ABLIM3: variants seen among roughly 807,000 people sequenced by gnomAD.
The protein encoded by ABLIM3 is actin binding LIM protein family member 3.
In ABLIM3, 61 loss-of-function variants were observed where a neutral mutation model predicts 109.5. The observed-to-expected ratio is 0.56, with a 90% confidence interval of 0.45 to 0.69. The LOEUF is 0.69. Among genes scored for constraint, ABLIM3 ranks in the 30% least tolerant of loss-of-function variants. The pLI is 0.00. For missense variants in ABLIM3, 796 were observed against 889.5 expected (o/e 0.89, Z 1.34); for synonymous variants, 300 against 324.8 (o/e 0.92, Z 0.82).
At chr5:149,215,183 C>T (rs1319244945) in intron 7 of ABLIM3, among the ~76,000 whole-genome samples, 1 of 152,134 alleles carries the variant, frequency 6.6e-6, no homozygotes, top group Non-Finnish European at 1.5e-5. Flanking sequence ...CACTGGAAAA[C>T]AGGTCTATAA....
chr5:149,154,373 TC>T (rs545554424), intron 2 of ABLIM3, among the ~76,000 whole-genome samples: 144 of 152,208 alleles, frequency 9.5e-4, no homozygotes, highest in African/African-American at 3.2e-3. Flanking sequence ...TGATTATAAA[TC>T]CCCCTTTCAA....
intron 2 of ABLIM3, among the ~76,000 whole-genome samples, chr5:149,153,922 C>T (rs1000504339): frequency 6.6e-6 from 1 of 152,226 alleles, no homozygotes; most frequent in African/African-American, 2.4e-5. Context: ...TACAGCCCCA[C>T]CTTCTCTCGC....
intron 6 of ABLIM3, among the ~76,000 whole-genome samples, chr5:149,209,606 T>G (rs575649941): frequency 6.6e-6 from 1 of 152,246 alleles, no homozygotes; most frequent in South Asian, 2.1e-4. Context: ...TTGGCATTTA[T>G]ACTCAAATCT....
At chr5:149,253,388 GACA>G (rs1305734443) in intron 23 of ABLIM3, among the ~76,000 whole-genome samples, 3 of 152,168 alleles carry the variant, frequency 2.0e-5, no homozygotes, top group Non-Finnish European at 4.4e-5. Context: ...TTAACCAAGC[GACA>G]ACCTCACTGC....
intron 18 of ABLIM3, among the ~76,000 whole-genome samples, chr5:149,248,557 G>C (rs1242444898): frequency 6.6e-6 from 1 of 151,924 alleles, no homozygotes; most frequent in Non-Finnish European, 1.5e-5. Context: ...TGGGCATGGT[G>C]GTGGGCACCT....
intron 8 of ABLIM3, among the ~76,000 whole-genome samples, chr5:149,222,976 A>G (rs528960398): frequency 1.3e-5 from 2 of 152,260 alleles, no homozygotes; most frequent in South Asian, 4.2e-4. Context: ...AAAACTTTAA[A>G]TCTTATGTTT....
chr5:149,240,212 C>A (rs1269910049), intron 13 of ABLIM3, among the ~76,000 whole-genome samples: 1 of 152,192 alleles, frequency 6.6e-6, no homozygotes, highest in Non-Finnish European at 1.5e-5. Flanking sequence ...AGGGCAGAAC[C>A]AAGAGACCAG....
intron 8 of ABLIM3, chr5:149,217,296 T>G: frequency 2.5e-5 from 13 of 530,166 alleles, no homozygotes; most frequent in East Asian, 6.8e-5. Context: ...GCTGGACTGC[T>G]TCCCTGGCAG....
chr5:149,256,540 T>C (rs1315369611), intron 23 of ABLIM3, among the ~76,000 whole-genome samples: 1 of 152,204 alleles, frequency 6.6e-6, no homozygotes, highest in Non-Finnish European at 1.5e-5. Flanking sequence ...TGAAAAGACA[T>C]TTTCAAGACA....
chr5:149,209,646 A>G (rs1165972120), intron 6 of ABLIM3, among the ~76,000 whole-genome samples: 1 of 152,180 alleles, frequency 6.6e-6, no homozygotes, highest in Non-Finnish European at 1.5e-5. Flanking sequence ...CCTTCTGACA[A>G]ATGACTTTTT....
Position 149,259,692 on chromosome 5 carries a change from TC to T in ABLIM3, c.*1290del. 1 of 1,179,492 alleles carries T rather than the reference TC, an allele frequency of 8.5e-7. No individual in the cohort carries two copies. Among genetic ancestry groups the T allele is most frequent in the Non-Finnish European group, 1.2e-6 (1 of 826,636 alleles). 73.1% of individuals were successfully genotyped at this position (1,179,492 alleles called of 1,614,324 possible). A position where few individuals can be genotyped will look rare whatever the true frequency, so the allele number is the denominator to read the frequency against. ...AGAAAGCTTAACCTCTCTTCTCCTC[TC>T]CAAACCTTTCACCTTGAATGGGTAA... On this transcript the variant is annotated 3_prime_UTR_variant, in exon 24 of 24. Transcript: ENST00000309868.
chr5:149,230,815 C>T (rs1383381456), intron 9 of ABLIM3, 108 bp downstream of exon 9: 1 of 1,264,090 alleles, frequency 7.9e-7, no homozygotes, highest in Non-Finnish European at 1.1e-6. Flanking sequence ...AGTGTGCACA[C>T]TCCCAAATGT....
chr5:149,146,741 G>C (rs2127427930), intron 2 of ABLIM3, among the ~76,000 whole-genome samples: 1 of 152,288 alleles, frequency 6.6e-6, no homozygotes, highest in East Asian at 1.9e-4. Context: ...TTTGAAGTCA[G>C]GTAATGTGAT....
intron 1 of ABLIM3, 111 bp from the exon 2 acceptor site, chr5:149,141,897 TC>T (rs1365994281): frequency 1.4e-5 from 10 of 740,578 alleles, no homozygotes; most frequent in Non-Finnish European, 2.3e-6. Context: ...CGCCTATTAG[TC>T]CACGCGCCTT....
At chr5:149,144,369 A>G (rs1752738177) in intron 2 of ABLIM3, among the ~76,000 whole-genome samples, 1 of 152,182 alleles carries the variant, frequency 6.6e-6, no homozygotes, top group Non-Finnish European at 1.5e-5. Context: ...CAGAGAGTAG[A>G]CATCAGACCT....
chr5:149,199,256 A>C, intron 4 of ABLIM3: 2 of 363,556 alleles, frequency 5.5e-6, no homozygotes, highest in Non-Finnish European at 5.5e-6. Flanking sequence ...GCATGATTAG[A>C]GTATATACGT....
chr5:149,192,805 A>G (rs1239132747), intron 3 of ABLIM3, among the ~76,000 whole-genome samples: 2 of 145,204 alleles, frequency 1.4e-5, no homozygotes, highest in Non-Finnish European at 2.9e-5. Flanking sequence ...GCAGAACATC[A>G]ATGTAGTATT....
At chr5:149,230,466 A>G (rs946971922) in intron 8 of ABLIM3, among the ~76,000 whole-genome samples, 183 bp from the exon 9 acceptor site, 1 of 152,080 alleles carries the variant, frequency 6.6e-6, no homozygotes, top group South Asian at 2.1e-4. Flanking sequence ...ACACACAGAA[A>G]AAGGATGTGA....
At chr5:149,216,923 G>A (rs1289971145) in intron 7 of ABLIM3, 36 bp from the exon 8 acceptor site, 4 of 1,584,496 alleles carry the variant, frequency 2.5e-6, no homozygotes, top group Non-Finnish European at 3.5e-6. Flanking sequence ...AGCAGCCCTG[G>A]CTCTGACCTC....
Sources: gnomAD v4.1 joint callset for allele counts (sites outside exome capture counted in the v4.1 genomes callset) on GRCh38, gnomAD v4.1.1 for gene constraint, MANE v1.5 for transcripts, NCBI Gene and HGNC (gene_info 2026-07-23, HGNC 2026-07-21) for gene names.